AP3B1: variants seen among roughly 807,000 people sequenced by gnomAD.
AP3B1 encodes adaptor related protein complex 3 subunit beta 1, also known as AP-3 complex subunit beta-1.
In AP3B1, 61 loss-of-function variants were observed where a neutral mutation model predicts 132.5. That is an observed-to-expected ratio of 0.46 (90% CI 0.37 to 0.57). The LOEUF (loss-of-function observed/expected upper bound fraction) is 0.57. AP3B1 is among the 20% of genes least tolerant of loss of function. The pLI, the probability that AP3B1 is intolerant of heterozygous loss-of-function variation, is 0.00. For missense variants in AP3B1, 1,120 were observed against 1,289.4 expected (o/e 0.87, Z 2.01); for synonymous variants, 388 against 438.3 (o/e 0.89, Z 1.43).
rs111490821 is a variant in AP3B1 at position 78,020,889 on chromosome 5, C to T, written c.2895-100G>A. ...CAATGAAAGCCTATGCTAGCATATACAGTATAAGACCTTTTTGGTTTAAAC... is the reference window on the plus strand; with the variant it reads ...CAATGAAAGCCTATGCTAGCATATATAGTATAAGACCTTTTTGGTTTAAAC... On this transcript the variant is annotated intron_variant, in intron 24 of 26. Transcript: ENST00000255194. The T allele has an allele frequency of 2.0e-5, 19 of 941,914 alleles. 1 individual carries two copies. The highest frequency in any genetic ancestry group is 9.8e-5 in the African/African-American group (6 of 61,174). The allele number at this position is 941,914 out of a possible 1,614,324, so 58.3% of individuals were successfully genotyped here.
chr5:78,042,263 A>G (rs1267448423), intron 22 of AP3B1: 2 of 151,304 alleles, frequency 1.3e-5, no homozygotes, highest in African/African-American at 2.4e-5. Flanking sequence ...TTTTTTATAG[A>G]TAGGGGTTTC....
chr5:78,003,598 T>G, intron 26 of AP3B1: 1 of 214,644 alleles, frequency 4.7e-6, no homozygotes, highest in Non-Finnish European at 8.0e-6. Context: ...ATTAAATCTC[T>G]AATGTTAATG....
chr5:78,207,103 C>CA (rs1745538079), intron 7 of AP3B1, among the ~76,000 whole-genome samples: 1 of 151,618 alleles, frequency 6.6e-6, no homozygotes, highest in African/African-American at 2.4e-5. Flanking sequence ...ACCAGAAACA[C>CA]AAAAATTAGG....
chr5:78,216,033 T>C (rs1189611413), intron 7 of AP3B1, 22 bp downstream of exon 7: 2 of 1,613,250 alleles, frequency 1.2e-6, no homozygotes, highest in Non-Finnish European at 8.5e-7. Context: ...TACTTGAAAG[T>C]GGAAGACTGT....
chr5:78,045,598 C>T (rs187269839), intron 22 of AP3B1, among the ~76,000 whole-genome samples: 2 of 152,142 alleles, frequency 1.3e-5, no homozygotes, highest in East Asian at 3.9e-4. Flanking sequence ...TTAATATTAA[C>T]ATATATTTAG....
chr5:78,282,792 G>A (rs1204221578), intron 1 of AP3B1, among the ~76,000 whole-genome samples: 1 of 151,568 alleles, frequency 6.6e-6, no homozygotes, highest in African/African-American at 2.4e-5. Context: ...CAGGAGGACG[G>A]CTTGAGCCCA....
At chr5:78,091,448 G>T (rs558677137) in intron 21 of AP3B1, among the ~76,000 whole-genome samples, 1 of 152,064 alleles carries the variant, frequency 6.6e-6, no homozygotes, top group Non-Finnish European at 1.5e-5. Flanking sequence ...CACTTAGTAC[G>T]GCTGAAGCAC....
Position 78,227,636 on chromosome 5 carries a change from T to C in AP3B1, c.376-104A>G, listed in dbSNP as rs1580514170. The C allele has an allele frequency of 5.5e-6, 6 of 1,086,380 alleles. No homozygotes were observed. In the South Asian group the frequency reaches 8.2e-5, roughly 15 times the overall value. 67.3% of individuals were successfully genotyped at this position (1,086,380 alleles called of 1,614,324 possible). On this transcript the variant is annotated intron_variant, in intron 4 of 26. Coordinates refer to ENST00000255194, the MANE Select transcript of AP3B1 (RefSeq NM_003664.5). The stretch of plus-strand genomic sequence containing the variant: ...GTGCTTAAAGGGTGTAATATGACAA[T>C]AGCAAAAGAAAGCTACTTAATTTAA...
At chr5:78,038,567 C>T (rs1228895127) in intron 23 of AP3B1, among the ~76,000 whole-genome samples, 2 of 152,218 alleles carry the variant, frequency 1.3e-5, no homozygotes, top group African/African-American at 4.8e-5. Context: ...GGTCTATATC[C>T]TCTCAGTCTT....
intron 26 of AP3B1, among the ~76,000 whole-genome samples, chr5:78,011,985 A>G (rs1333866398): frequency 6.6e-6 from 1 of 152,118 alleles, no homozygotes; most frequent in Non-Finnish European, 1.5e-5. Flanking sequence ...AAATACTAGT[A>G]GTAAAAATGC....
chr5:78,288,165 C>T (rs1309559832), intron 1 of AP3B1, among the ~76,000 whole-genome samples: 4 of 152,154 alleles, frequency 2.6e-5, no homozygotes, highest in African/African-American at 7.2e-5. Flanking sequence ...ACTGTTTACA[C>T]AAACAAAGGC....
intron 1 of AP3B1, among the ~76,000 whole-genome samples, chr5:78,271,486 T>TA (rs1268355120): frequency 6.6e-6 from 1 of 152,162 alleles, no homozygotes; most frequent in Non-Finnish European, 1.5e-5. Flanking sequence ...TAAATATGAA[T>TA]ATTCCTCCTA....
Position 78,101,628 on chromosome 5 carries a change from A to C in AP3B1, c.2398-603T>G, listed in dbSNP as rs554389274. On this transcript the variant is annotated intron_variant, in intron 20 of 26. Coordinates refer to ENST00000255194, the MANE Select transcript of AP3B1 (RefSeq NM_003664.5). ...CTTGATCTACTGTTTTGTTGAGAAA[A>C]TAAATATTTCAAAAACATATCTGCA... Among the ~76,000 whole-genome samples the C allele has an allele frequency of 2.6e-5, 4 of 152,160 alleles. No individual in the cohort carries two copies. The South Asian group carries it at 8.3e-4, about 32-fold the overall frequency.
At chr5:78,031,171 G>C (rs925223240) in intron 24 of AP3B1, among the ~76,000 whole-genome samples, 6 of 152,060 alleles carry the variant, frequency 3.9e-5, no homozygotes, top group African/African-American at 1.4e-4. Flanking sequence ...ATTCAGCTGT[G>C]TCCATTCCAT....
At chr5:78,131,490 C>G (rs999347648) in intron 15 of AP3B1, among the ~76,000 whole-genome samples, 3 of 151,892 alleles carry the variant, frequency 2.0e-5, no homozygotes, top group Non-Finnish European at 1.5e-5. Context: ...ATTTCAAACC[C>G]AAATATTTAG....
intron 7 of AP3B1, among the ~76,000 whole-genome samples, chr5:78,184,751 A>G (rs1041806551): frequency 1.3e-5 from 2 of 152,092 alleles, no homozygotes; most frequent in Non-Finnish European, 2.9e-5. Context: ...CATTCCTTTC[A>G]TCTATTAATC....
intron 7 of AP3B1, among the ~76,000 whole-genome samples, chr5:78,213,666 T>G (rs563002660): frequency 3.9e-5 from 6 of 152,264 alleles, no homozygotes; most frequent in East Asian, 1.9e-4. Flanking sequence ...TAAAGCAAAA[T>G]GTTTTATCCA....
At chr5:78,097,301 C>T (rs1428907537) in intron 21 of AP3B1, among the ~76,000 whole-genome samples, 1 of 129,776 alleles carries the variant, frequency 7.7e-6, no homozygotes, top group Non-Finnish European at 1.7e-5. Flanking sequence ...GTCAGCCCCC[C>T]GCCCGGCCAG....
chr5:78,110,736 ATATATATACG>A (rs1268421298), intron 19 of AP3B1, among the ~76,000 whole-genome samples: 1 of 151,050 alleles, frequency 6.6e-6, no homozygotes, highest in East Asian at 1.9e-4. Context: ...ACATACATGT[ATATATATACG>A]TATATACATA....
Sources: allele counts gnomAD v4.1 joint callset (sites outside exome capture counted in the v4.1 genomes callset), GRCh38; gene constraint gnomAD v4.1.1; transcripts MANE v1.5; gene names NCBI Gene and HGNC (gene_info 2026-07-23, HGNC 2026-07-21).